SRR: variants seen among roughly 807,000 people sequenced by gnomAD.
SRR encodes the protein serine racemase, also known as D-serine ammonia-lyase.
In SRR, 19 loss-of-function variants were observed where a neutral mutation model predicts 32.7. That is an observed-to-expected ratio of 0.58 (90% CI 0.40 to 0.85). The LOEUF is 0.85. Among genes scored for constraint, SRR ranks in the 40% least tolerant of loss-of-function variants. SRR has a pLI of 0.00. For synonymous variants in SRR, 142 were observed against 140.9 expected (o/e 1.01, Z -0.06); for missense variants, 373 against 404.7 (o/e 0.92, Z 0.67).
intron 1 of SRR, among the ~76,000 whole-genome samples, chr17:2,305,011 T>G (rs1177424243): frequency 1.3e-5 from 2 of 152,170 alleles, no homozygotes; most frequent in African/African-American, 4.8e-5. Context: ...CACAGAATAG[T>G]TACCAATTAT....
At chr17:2,314,229 C>G (rs527258229) in intron 1 of SRR, among the ~76,000 whole-genome samples, 21 of 152,224 alleles carry the variant, frequency 1.4e-4, no homozygotes, top group Middle Eastern at 3.4e-3. Flanking sequence ...GCAGGCGGAT[C>G]ACCTGAGGTC....
chr17:2,318,049 G>A (rs573008432), intron 3 of SRR, 53 bp downstream of exon 3: 2 of 1,505,434 alleles, frequency 1.3e-6, no homozygotes, highest in African/African-American at 2.8e-5. Flanking sequence ...GTGGAAAAGT[G>A]CCCTTAATTT....
At chr17:2,314,555 CCT>C (rs1388357862) in intron 1 of SRR, among the ~76,000 whole-genome samples, 1 of 145,308 alleles carries the variant, frequency 6.9e-6, no homozygotes, top group Non-Finnish European at 1.5e-5. Context: ...TGCACTCCAG[CCT>C]GGGTGACAGA....
Position 2,324,203 on chromosome 17 carries a change from A to G in SRR, c.*330A>G. 1.3e-6 allele frequency: 2 copies of G among 1,520,336 alleles called. No individual in the cohort carries two copies. Among genetic ancestry groups the G allele is most frequent in the Non-Finnish European group, 1.8e-6 (2 of 1,138,822 alleles). The allele number at this position is 1,520,336 out of a possible 1,614,324, so 94.2% of individuals were successfully genotyped here. ...AGAATCTCTTTGAATCCATTACTCC[A>G]TGCCCCCTTGAGGCACTGTTGAAGA... is the stretch of plus-strand genomic sequence containing the variant. On this transcript the variant is annotated 3_prime_UTR_variant, in exon 8 of 8. Transcript: ENST00000344595.
At chr17:2,322,193 T>C (rs1169203814) in intron 6 of SRR, among the ~76,000 whole-genome samples, 1 of 152,178 alleles carries the variant, frequency 6.6e-6, no homozygotes, top group Non-Finnish European at 1.5e-5. Context: ...CCTCCCAAAG[T>C]GCTAGGATTA....
intron 1 of SRR, among the ~76,000 whole-genome samples, chr17:2,308,775 C>T (rs2075412541): frequency 1.3e-5 from 2 of 150,898 alleles, no homozygotes; most frequent in South Asian, 2.1e-4. Flanking sequence ...GAGCCAAGAT[C>T]GCACCACTGC....
chr17:2,306,480 G>T (rs2075391162), intron 1 of SRR, among the ~76,000 whole-genome samples: 1 of 152,240 alleles, frequency 6.6e-6, no homozygotes, highest in Middle Eastern at 3.4e-3. Context: ...ACTTTGGGAG[G>T]CCAAGGTGGG....
chr17:2,319,351 TTTG>T (rs896381570), intron 4 of SRR, among the ~76,000 whole-genome samples: 4 of 152,164 alleles, frequency 2.6e-5, no homozygotes, highest in Admixed American at 6.5e-5. Flanking sequence ...TTGAAAATTT[TTTG>T]TTGTTGTTGT....
chr17:2,321,405 G>A lies in SRR; in HGVS notation c.499G>A (p.Ala167Thr). The change falls in exon 5 of 8, where the codon GCC (alanine) becomes ACC (threonine). Residue 167 changes from alanine to threonine, a missense_variant. Coordinates refer to ENST00000344595, the MANE Select transcript of SRR (RefSeq NM_021947.3). ...PAVIAGQGTI[A>T]LEVLNQVPLV... Reference sequence around the variant, plus strand: ...AGTGATAGCTGGACAAGGGACAATTGCCCTGGAAGTGCTGAACCAGGTAAA... The same window carrying A: ...AGTGATAGCTGGACAAGGGACAATTACCCTGGAAGTGCTGAACCAGGTAAA... The A allele has an allele frequency of 6.2e-7, 1 of 1,612,370 alleles. No homozygotes were observed. The highest frequency in any genetic ancestry group is 2.2e-5 in the East Asian group (1 of 44,874).
intron 6 of SRR, among the ~76,000 whole-genome samples, chr17:2,322,119 T>C (rs1044250845): frequency 6.6e-6 from 1 of 152,080 alleles, no homozygotes; most frequent in African/African-American, 2.4e-5. Context: ...TTTTAAGAGA[T>C]GGGGTCTTGC....
intron 1 of SRR, among the ~76,000 whole-genome samples, chr17:2,308,469 C>T (rs942648668): frequency 6.6e-6 from 1 of 152,192 alleles, no homozygotes; most frequent in African/African-American, 2.4e-5. Flanking sequence ...CTAATCAAAT[C>T]TGATTTTCCT....
intron 7 of SRR, 61 bp downstream of exon 7, chr17:2,323,406 C>A (rs2075550968): frequency 3.8e-6 from 6 of 1,594,974 alleles, no homozygotes; most frequent in Non-Finnish European, 4.3e-6. Context: ...GCAGAAGAAA[C>A]TTCCCTTAGG....
intron 6 of SRR, among the ~76,000 whole-genome samples, chr17:2,322,252 A>G (rs1019850474): frequency 2.6e-5 from 4 of 151,928 alleles, no homozygotes; most frequent in African/African-American, 9.7e-5. Flanking sequence ...ATCCATGACA[A>G]TTTTACAGCA....
At chr17:2,318,992 C>T in intron 4 of SRR, 63 bp downstream of exon 4, 1 of 1,152,484 alleles carries the variant, frequency 8.7e-7, no homozygotes, top group Non-Finnish European at 1.3e-6. Context: ...CTCTTTCTAC[C>T]TTACTGGCTG....
intron 1 of SRR, among the ~76,000 whole-genome samples, chr17:2,306,266 A>G (rs1389019728): frequency 2.0e-5 from 3 of 151,830 alleles, no homozygotes. Context: ...CAGCGAGCCG[A>G]GATTGCTCCA....
rs900229001 is a variant in SRR at position 2,307,459 on chromosome 17, G to A, written c.-5+3442G>A. 4 of 1,435,366 alleles carry A rather than the reference G, an allele frequency of 2.8e-6. No individual in the cohort carries two copies. The African/African-American group carries it at 4.2e-5, about 15-fold the overall frequency. 88.9% of individuals were successfully genotyped at this position (1,435,366 alleles called of 1,614,324 possible). On this transcript the variant is annotated intron_variant, in intron 1 of 7. Coordinates refer to ENST00000344595, the MANE Select transcript of SRR (RefSeq NM_021947.3). Reference sequence around the variant, plus strand: ...TGGTGGCTTTGGTGGCAGCTGTGGTGGTGGTGGATATCGTGCAGTGGGGAT... The same window carrying A: ...TGGTGGCTTTGGTGGCAGCTGTGGTAGTGGTGGATATCGTGCAGTGGGGAT...
intron 1 of SRR, among the ~76,000 whole-genome samples, chr17:2,308,454 C>CT (rs2075409583): frequency 6.6e-6 from 1 of 152,202 alleles, no homozygotes; most frequent in Non-Finnish European, 1.5e-5. Flanking sequence ...ACAATTCAAA[C>CT]TTAGCTAATC....
intron 1 of SRR, among the ~76,000 whole-genome samples, chr17:2,308,110 CAA>C (rs1160280355): frequency 2.1e-5 from 3 of 143,828 alleles, no homozygotes; most frequent in African/African-American, 5.1e-5. Flanking sequence ...AAAAAGAAAA[CAA>C]GACTAAAATC....
intron 1 of SRR, among the ~76,000 whole-genome samples, chr17:2,310,527 T>C (rs901052304): frequency 6.6e-6 from 1 of 151,698 alleles, no homozygotes; most frequent in African/African-American, 2.4e-5. Context: ...AATTGACATT[T>C]ATTCATAAAA....
Sources: gnomAD v4.1 joint callset for allele counts (sites outside exome capture counted in the v4.1 genomes callset) on GRCh38, gnomAD v4.1.1 for gene constraint, MANE v1.5 for transcripts, NCBI Gene and HGNC (gene_info 2026-07-23, HGNC 2026-07-21) for gene names.